Variants in BCL11A observed in about 807,000 individuals in gnomAD.
BCL11A encodes the protein B cell CLL/lymphoma 11A.
Under a neutral mutation model 55.9 loss-of-function variants are expected in BCL11A, and 2 were observed. The observed-to-expected ratio is 0.04, with a 90% CI of 0.01 to 0.11. The LOEUF (loss-of-function observed/expected upper bound fraction) is 0.11, where lower values mean the gene tolerates loss of function less well. Ranked by LOEUF, BCL11A falls within the 10% of genes least tolerant of loss-of-function variation. The pLI is 1.00. For synonymous variants in BCL11A, 465 were observed against 473.4 expected (o/e 0.98, Z 0.23); for missense variants, 817 against 1,137.1 (o/e 0.72, Z 4.05).
intron 2 of BCL11A, among the ~76,000 whole-genome samples, chr2:60,511,839 G>A (rs971293911): frequency 1.3e-5 from 2 of 152,208 alleles, no homozygotes; most frequent in East Asian, 3.8e-4. Context: ...TTTCTATGAA[G>A]GCAAGGGTTG....
At chr2:60,452,135 T>G (rs1243067166) in exon 5 of BCL11A, 1 of 229,642 alleles carries the variant, frequency 4.4e-6, no homozygotes, top group Non-Finnish European at 8.6e-6. Context: ...GCATTAAAAA[T>G]TAAAGAACAA....
chr2:60,526,400 C>T (rs1050310846), intron 2 of BCL11A: 1 of 152,112 alleles, frequency 6.6e-6, no homozygotes, highest in Non-Finnish European at 1.5e-5. Flanking sequence ...TATCCTTTAC[C>T]ATTTGGGAAG....
chr2:60,492,104 C>T (rs1469823011), intron 2 of BCL11A, among the ~76,000 whole-genome samples: 1 of 152,170 alleles, frequency 6.6e-6, no homozygotes, highest in Non-Finnish European at 1.5e-5. Context: ...GTGACAGGCA[C>T]AGTGGCTCTC....
chr2:60,503,987 A>G (rs114655013), intron 2 of BCL11A, among the ~76,000 whole-genome samples: 1,762 of 152,330 alleles, frequency 0.012, 28 homozygotes, highest in African/African-American at 0.04. Context: ...GACACTGAGT[A>G]TTAAGGCCCA....
chr2:60,521,209 A>C (rs146888167), intron 2 of BCL11A, among the ~76,000 whole-genome samples: 137 of 152,348 alleles, frequency 9.0e-4, no homozygotes, highest in African/African-American at 3.1e-3. Flanking sequence ...AAACCAGCCT[A>C]AAATTTAATT....
At chr2:60,462,559 C>T (rs1443263775) in intron 3 of BCL11A, 135 bp from the exon 4 acceptor site, 8 of 1,418,830 alleles carry the variant, frequency 5.6e-6, no homozygotes, top group Non-Finnish European at 9.2e-7. Flanking sequence ...ACTGACCTAC[C>T]CCCTGTGCCT....
At chr2:60,517,481 G>A (rs1180069943) in intron 2 of BCL11A, among the ~76,000 whole-genome samples, 5 of 152,240 alleles carry the variant, frequency 3.3e-5, no homozygotes, top group Non-Finnish European at 5.9e-5. Flanking sequence ...TTTGTTGCTT[G>A]GGTTTTACCA....
intron 2 of BCL11A, among the ~76,000 whole-genome samples, chr2:60,514,980 C>A (rs1668667448): frequency 6.6e-6 from 1 of 152,172 alleles, no homozygotes. Context: ...CCAGTCCCTT[C>A]CGAACTCAGC....
At chr2:60,505,938 G>A (rs531937261) in intron 2 of BCL11A, among the ~76,000 whole-genome samples, 14 of 152,312 alleles carry the variant, frequency 9.2e-5, no homozygotes, top group African/African-American at 3.1e-4. Flanking sequence ...CACCTGGTTC[G>A]TCTGCCAGAT....
At chr2:60,493,612 G>A (rs184843356) in intron 2 of BCL11A, among the ~76,000 whole-genome samples, 3 of 152,310 alleles carry the variant, frequency 2.0e-5, no homozygotes, top group Non-Finnish European at 4.4e-5. Context: ...CTGGGTCAGA[G>A]ATAACTTAAG....
intron 1 of BCL11A, among the ~76,000 whole-genome samples, chr2:60,547,617 T>C (rs764358080): frequency 3.5e-4 from 54 of 152,156 alleles, no homozygotes; most frequent in Non-Finnish European, 6.5e-4. Context: ...AGTCTGACCT[T>C]CTTTAGCAAG....
chr2:60,467,808 T>C (rs1209174522), intron 3 of BCL11A, among the ~76,000 whole-genome samples: 2 of 113,006 alleles, frequency 1.8e-5, no homozygotes, highest in African/African-American at 6.7e-5. Flanking sequence ...CTGGTGGTGA[T>C]GGTACTGGTG....
At chr2:60,519,450 G>A (rs1423942630) in intron 2 of BCL11A, among the ~76,000 whole-genome samples, 1 of 152,182 alleles carries the variant, frequency 6.6e-6, no homozygotes, top group Non-Finnish European at 1.5e-5. Context: ...CCAAAAATGT[G>A]TCTATAACCT....
chr2:60,467,890 A>G (rs796280631), intron 3 of BCL11A, among the ~76,000 whole-genome samples: 162 of 12,170 alleles, frequency 0.013, no homozygotes, highest in East Asian at 0.021. Flanking sequence ...TGGTGGTGGT[A>G]GTGATGGTGG....
chr2:60,452,800 T>C (rs1572938927), downstream of BCL11A: 5 of 659,166 alleles, frequency 7.6e-6, no homozygotes, highest in East Asian at 1.1e-4. Context: ...CACTGGCATC[T>C]TAAGCATGAT....
chr2:60,545,256 C>T (rs1670095224), intron 2 of BCL11A: 2 of 152,288 alleles, frequency 1.3e-5, no homozygotes, highest in South Asian at 4.1e-4. Flanking sequence ...TTTGAAATTT[C>T]CAACATGCCC....
chr2:60,455,378 T>C (rs908567243), downstream of BCL11A, among the ~76,000 whole-genome samples: 1 of 152,228 alleles, frequency 6.6e-6, no homozygotes, highest in Non-Finnish European at 1.5e-5. Context: ...GAGTTCTGGA[T>C]ACAAAATATC....
chr2:60,545,827 A>T, intron 2 of BCL11A, 144 bp downstream of exon 2: 1 of 703,258 alleles, frequency 1.4e-6, no homozygotes, highest in Non-Finnish European at 2.4e-6. Flanking sequence ...AACAGAAATG[A>T]TTATTTTAAC....
intron 3 of BCL11A, among the ~76,000 whole-genome samples, chr2:60,468,057 T>G (rs1676973242): frequency 1.5e-5 from 2 of 134,692 alleles, no homozygotes; most frequent in African/African-American, 2.9e-5. Flanking sequence ...GTACTGGTGG[T>G]GATGGTGGTG....
Sources: gnomAD v4.1 joint callset for allele counts (sites outside exome capture counted in the v4.1 genomes callset) on GRCh38, gnomAD v4.1.1 for gene constraint, MANE v1.5 for transcripts, NCBI Gene and HGNC (gene_info 2026-07-23, HGNC 2026-07-21) for gene names.